The following ADGRL3 variants were observed in gnomAD, a reference collection of about 807,000 sequenced individuals.
ADGRL3 encodes the protein adhesion G protein-coupled receptor L3.
ADGRL3 carries 62 observed loss-of-function variants against 153.5 expected under a neutral mutation model. The ratio of observed to expected loss-of-function variants is 0.40; its 90% confidence interval spans 0.33 to 0.50. The LOEUF is 0.50. Ranked by LOEUF, ADGRL3 falls within the 20% of genes least tolerant of loss-of-function variation. The pLI is 0.47. For synonymous variants in ADGRL3, 710 were observed against 672.5 expected (o/e 1.06, Z -0.86); for missense variants, 1,641 against 1,859.4 (o/e 0.88, Z 2.16).
At chr4:61,874,789 C>T (rs13142869) in intron 9 of ADGRL3, among the ~76,000 whole-genome samples, 6,997 of 61,540 alleles carry the variant, frequency 0.11, 577 homozygotes, top group East Asian at 0.44. Flanking sequence ...TCAAAATGCT[C>T]TTTTTTTTTT....
At chr4:61,559,121 G>A (rs1029470067) in intron 4 of ADGRL3, among the ~76,000 whole-genome samples, 4 of 151,970 alleles carry the variant, frequency 2.6e-5, no homozygotes, top group African/African-American at 9.7e-5. Context: ...TCTATTTAAA[G>A]AAGAAATGAG....
intron 9 of ADGRL3, among the ~76,000 whole-genome samples, chr4:61,827,157 G>T (rs1207263701): frequency 7.2e-5 from 11 of 152,098 alleles, no homozygotes; most frequent in Admixed American, 7.2e-4. Flanking sequence ...AAATACCCTG[G>T]GGTTAAAGCC....
chr4:61,618,576 T>C (rs983468173), intron 5 of ADGRL3, among the ~76,000 whole-genome samples: 3 of 152,130 alleles, frequency 2.0e-5, no homozygotes, highest in South Asian at 4.1e-4. Context: ...GGATCTTAGA[T>C]GGGATTGCTT....
intron 4 of ADGRL3, among the ~76,000 whole-genome samples, chr4:61,542,804 A>C (rs920677265): frequency 2.0e-5 from 3 of 152,174 alleles, no homozygotes; most frequent in African/African-American, 7.2e-5. Context: ...CCTTCACCTC[A>C]CATCCTCTCT....
At chr4:61,352,594 A>C (rs2096072351) in intron 1 of ADGRL3, among the ~76,000 whole-genome samples, 1 of 152,096 alleles carries the variant, frequency 6.6e-6, no homozygotes. Context: ...CATGTTGGCC[A>C]GGCTGGTCTT....
At position 62,007,492 on chromosome 4, in the gene ADGRL3, A is replaced by T. The variant is rs1196244318; in HGVS notation, c.3395+9227A>T. 2.8e-5 allele frequency among the ~76,000 whole-genome samples: 4 copies of T among 143,162 alleles called. No homozygotes were observed. In the Admixed American group the frequency reaches 2.8e-4, roughly 10 times the overall value. The allele number at this position is 143,162 out of a possible 152,430, so 93.9% of individuals were successfully genotyped here. On this transcript the variant is annotated intron_variant, in intron 21 of 26. Transcript: ENST00000683033. ...TGTGTATATATATATATATGTATAT[A>T]TATCTCCTAACCTCCTCTGGTGATA...
intron 2 of ADGRL3, among the ~76,000 whole-genome samples, chr4:61,405,032 T>C (rs2096976517): frequency 6.6e-6 from 1 of 152,018 alleles, no homozygotes; most frequent in Non-Finnish European, 1.5e-5. Context: ...CAGAAGTTCT[T>C]TGTCAACCCC....
At chr4:61,899,938 C>T (rs2098654839) in intron 11 of ADGRL3, among the ~76,000 whole-genome samples, 1 of 152,170 alleles carries the variant, frequency 6.6e-6, no homozygotes, top group Non-Finnish European at 1.5e-5. Context: ...CCTCTTAACA[C>T]TATCACATTG....
chr4:61,768,608 T>C (rs2097036093), intron 8 of ADGRL3, among the ~76,000 whole-genome samples: 1 of 152,062 alleles, frequency 6.6e-6, no homozygotes. Context: ...TTGGAACTAC[T>C]CTTGAGTTTG....
At chr4:61,246,938 A>G (rs1320704322) in intron 1 of ADGRL3, among the ~76,000 whole-genome samples, 1 of 152,074 alleles carries the variant, frequency 6.6e-6, no homozygotes, top group African/African-American at 2.4e-5. Context: ...GCTTACAGGA[A>G]AGATATTCAA....
intron 8 of ADGRL3, among the ~76,000 whole-genome samples, chr4:61,757,870 C>T (rs561438457): frequency 2.0e-5 from 3 of 152,276 alleles, no homozygotes; most frequent in Non-Finnish European, 2.9e-5. Flanking sequence ...GCCTTCATTT[C>T]GTTATGTACC....
At chr4:61,462,990 C>A (rs999224557) in intron 2 of ADGRL3, among the ~76,000 whole-genome samples, 1 of 152,144 alleles carries the variant, frequency 6.6e-6, no homozygotes, top group East Asian at 1.9e-4. Context: ...AAATAAAAGA[C>A]CAGTTACAGA....
chr4:61,920,917 GTC>G (rs1452246404), intron 13 of ADGRL3, among the ~76,000 whole-genome samples: 1 of 152,096 alleles, frequency 6.6e-6, no homozygotes, highest in Non-Finnish European at 1.5e-5. Flanking sequence ...ACGATTCTGT[GTC>G]TAACACAAGA....
chr4:61,920,520 G>A (rs2098763896), intron 13 of ADGRL3, among the ~76,000 whole-genome samples: 1 of 152,152 alleles, frequency 6.6e-6, no homozygotes, highest in African/African-American at 2.4e-5. Context: ...ATAGCTGGTA[G>A]TAACAGAAAG....
At chr4:61,694,207 T>A (rs1396793797) in intron 6 of ADGRL3, among the ~76,000 whole-genome samples, 6 of 107,330 alleles carry the variant, frequency 5.6e-5, no homozygotes, top group African/African-American at 7.6e-5. Context: ...TTTTTTTTTT[T>A]TTTTTTTTTT....
At chr4:61,823,041 G>A (rs1014507065) in intron 9 of ADGRL3, among the ~76,000 whole-genome samples, 2 of 152,202 alleles carry the variant, frequency 1.3e-5, no homozygotes, top group Admixed American at 6.5e-5. Flanking sequence ...GAAAGTCACC[G>A]GGATTAGTAT....
intron 13 of ADGRL3, among the ~76,000 whole-genome samples, chr4:61,926,905 C>T (rs1172557356): frequency 1.3e-5 from 2 of 152,162 alleles, no homozygotes; most frequent in Non-Finnish European, 2.9e-5. Context: ...TTTTCAGTTT[C>T]TTTGCAGTGC....
At chr4:61,296,184 C>G (rs988091979) in intron 1 of ADGRL3, among the ~76,000 whole-genome samples, 55 of 152,144 alleles carry the variant, frequency 3.6e-4, no homozygotes, top group African/African-American at 1.2e-3. Context: ...GCAAAGCTAA[C>G]TTAATAATAC....
rs1277998754 is a variant in ADGRL3 at position 62,077,325 on chromosome 4, G to T, written c.*6417G>T. 2 of 151,866 alleles carry T rather than the reference G, an allele frequency of 1.3e-5. No homozygotes were observed. Among genetic ancestry groups the T allele is most frequent in the African/African-American group, 2.4e-5 (1 of 41,396 alleles). The allele number at this position is 151,866 out of a possible 1,614,324, so 9.4% of individuals were successfully genotyped here. ...ATTTACAATTAGTCCAAAATCAGAG[G>T]ATTTTAAATCTTAAAGGAGTTAAGT... On this transcript the variant is annotated 3_prime_UTR_variant, in exon 27 of 27. Transcript: ENST00000683033.
Sources: gnomAD v4.1 joint callset for allele counts (sites outside exome capture counted in the v4.1 genomes callset) on GRCh38, gnomAD v4.1.1 for gene constraint, MANE v1.5 for transcripts, NCBI Gene and HGNC (gene_info 2026-07-23, HGNC 2026-07-21) for gene names.